The following MAP2K1 variants were observed in gnomAD, a reference collection of about 807,000 sequenced individuals.
MAP2K1 encodes dual specificity mitogen-activated protein kinase kinase 1.
Under a neutral mutation model 46.3 loss-of-function variants are expected in MAP2K1, and 16 were observed. The observed-to-expected ratio is 0.35, with a 90% CI of 0.23 to 0.52. MAP2K1 has a LOEUF of 0.52. Among genes scored for constraint, MAP2K1 ranks in the 20% least tolerant of loss-of-function variants. The probability of loss-of-function intolerance (pLI) is 0.94; values close to 1 mark genes in which losing one functional copy is unlikely to be tolerated. For missense variants in MAP2K1, 263 were observed against 497.1 expected, an observed-to-expected ratio of 0.53 and a Z score of 4.48; for synonymous variants, 183 against 185.6, an observed-to-expected ratio of 0.99 and a Z score of 0.11.
intron 6 of MAP2K1, 57 bp from the exon 7 acceptor site, chr15:66,484,933 G>C: frequency 7.1e-7 from 1 of 1,400,724 alleles, no homozygotes; most frequent in Non-Finnish European, 1.0e-6. Flanking sequence ...AAATGCATTA[G>C]CAGACCCAGG....
chr15:66,403,157 A>AT (rs977565206), intron 1 of MAP2K1, among the ~76,000 whole-genome samples: 1 of 152,130 alleles, frequency 6.6e-6, no homozygotes, highest in South Asian at 2.1e-4. Flanking sequence ...TTTTACTCTT[A>AT]TTTTTTTATG....
intron 2 of MAP2K1, 50 bp from the exon 3 acceptor site, chr15:66,436,696 T>C (rs2140582878): frequency 6.4e-7 from 1 of 1,560,776 alleles, no homozygotes; most frequent in South Asian, 1.1e-5. Flanking sequence ...CTTTCATCCC[T>C]TCCTCCCTCT....
At chr15:66,398,980 C>A (rs2093375063) in intron 1 of MAP2K1, among the ~76,000 whole-genome samples, 1 of 152,148 alleles carries the variant, frequency 6.6e-6, no homozygotes, top group Non-Finnish European at 1.5e-5. Context: ...ACCATGTTGG[C>A]CAGGCTGGTC....
intron 1 of MAP2K1, among the ~76,000 whole-genome samples, chr15:66,396,532 G>A (rs2093368039): frequency 6.6e-6 from 1 of 151,194 alleles, no homozygotes; most frequent in African/African-American, 2.4e-5. Flanking sequence ...AGCCCCACAA[G>A]GTGCTGGGAT....
intron 8 of MAP2K1, 50 bp from the exon 9 acceptor site, chr15:66,489,165 G>A (rs1490978928): frequency 6.8e-7 from 1 of 1,479,802 alleles, no homozygotes; most frequent in Admixed American, 1.7e-5. Flanking sequence ...GAGAGGAGAT[G>A]GCTGGAGCAA....
At position 66,460,215 on chromosome 15, in the gene MAP2K1, C is replaced by G. The variant is rs185893692; in HGVS notation, c.568+15508C>G. Among the ~76,000 whole-genome samples the G allele has an allele frequency of 6.6e-5, 10 of 152,302 alleles. 1 individual carries two copies. The highest frequency in any genetic ancestry group is 6.5e-4 in the Admixed American group (10 of 15,300). On this transcript the variant is annotated intron_variant, in intron 5 of 10. Coordinates refer to ENST00000307102, the MANE Select transcript of MAP2K1 (RefSeq NM_002755.4). The stretch of plus-strand genomic sequence containing the variant: ...CATTAGTAGTGGAAAATTCAGTATG[C>G]TGGTCTCTTGGTTAGAAATGTGAGT...
In MAP2K1 at chr15:66,387,313, C is replaced by T. The variant is rs895521497; in HGVS notation, c.-35C>T. 1.3e-5 allele frequency: 20 copies of T among 1,529,254 alleles called. No homozygotes were observed. Among genetic ancestry groups the T allele is most frequent in the Non-Finnish European group, 1.7e-5 (19 of 1,126,828 alleles). 94.7% of individuals were successfully genotyped at this position (1,529,254 alleles called of 1,614,324 possible). ...GGAGGAAGCGAGAGGTGCTGCCCTC[C>T]CCCCGGAGTTGGAAGCGCGTTACCC... On this transcript the variant is annotated 5_prime_UTR_variant, in exon 1 of 11. Coordinates refer to ENST00000307102, the MANE Select transcript of MAP2K1 (RefSeq NM_002755.4).
At chr15:66,479,184 C>T (rs376875114) in intron 5 of MAP2K1, among the ~76,000 whole-genome samples, 50 of 152,076 alleles carry the variant, frequency 3.3e-4, no homozygotes, top group African/African-American at 1.2e-3. Flanking sequence ...GCAACCTCTG[C>T]TTCCCGGGTT....
intron 5 of MAP2K1, among the ~76,000 whole-genome samples, chr15:66,457,019 T>C (rs568322924): frequency 1.3e-5 from 2 of 152,384 alleles, no homozygotes; most frequent in East Asian, 3.9e-4. Context: ...AACTGGTCCA[T>C]GGGCTAAATT....
intron 1 of MAP2K1, among the ~76,000 whole-genome samples, chr15:66,421,337 T>C (rs1203644852): frequency 6.6e-6 from 1 of 152,068 alleles, no homozygotes; most frequent in East Asian, 1.9e-4. Flanking sequence ...GGTTTTGCCA[T>C]GTTGCCCAGG....
chr15:66,416,119 G>C (rs2093424025), intron 1 of MAP2K1, among the ~76,000 whole-genome samples: 1 of 152,050 alleles, frequency 6.6e-6, no homozygotes, highest in Admixed American at 6.5e-5. Flanking sequence ...GATATTCTCA[G>C]GATTAAACTT....
intron 10 of MAP2K1, chr15:66,490,075 C>T: frequency 1.8e-6 from 1 of 542,458 alleles, no homozygotes; most frequent in Non-Finnish European, 3.3e-6. Flanking sequence ...CCTCATCTTA[C>T]ATTCAGCCTC....
intron 1 of MAP2K1, among the ~76,000 whole-genome samples, chr15:66,395,350 A>G (rs958044464): frequency 6.6e-6 from 1 of 152,188 alleles, no homozygotes; most frequent in African/African-American, 2.4e-5. Context: ...TGTCAAAGCA[A>G]AACTACATTT....
At chr15:66,465,623 T>A (rs11631448) in intron 5 of MAP2K1, among the ~76,000 whole-genome samples, 30,759 of 151,996 alleles carry the variant, frequency 0.2, 3,818 homozygotes, top group South Asian at 0.32. Flanking sequence ...CATAAGACAA[T>A]ATGAGGTGGT....
At chr15:66,417,534 C>A (rs2093427437) in intron 1 of MAP2K1, among the ~76,000 whole-genome samples, 1 of 152,098 alleles carries the variant, frequency 6.6e-6, no homozygotes, top group Non-Finnish European at 1.5e-5. Flanking sequence ...ATGATTGCAC[C>A]ACTACACCCC....
At chr15:66,410,862 G>A (rs1372486416) in intron 1 of MAP2K1, among the ~76,000 whole-genome samples, 1 of 152,158 alleles carries the variant, frequency 6.6e-6, no homozygotes, top group South Asian at 2.1e-4. Context: ...GTACATATTT[G>A]TTCTGCTTTA....
chr15:66,402,220 A>C (rs6494571), intron 1 of MAP2K1, among the ~76,000 whole-genome samples: 137,403 of 152,232 alleles, frequency 0.9, 63,661 homozygotes, highest in East Asian at 1. Flanking sequence ...TGTCATCTCT[A>C]CACAACTAGC....
intron 5 of MAP2K1, among the ~76,000 whole-genome samples, chr15:66,449,568 A>C (rs1439307133): frequency 6.6e-6 from 1 of 152,216 alleles, no homozygotes; most frequent in Non-Finnish European, 1.5e-5. Context: ...TTGAAAATGC[A>C]TGAAAGTATA....
At position 66,421,917 on chromosome 15, in the gene MAP2K1, C is replaced by A. The variant is rs201316836; in HGVS notation, c.81-13110C>A. On this transcript the variant is annotated intron_variant, in intron 1 of 10. Transcript: ENST00000307102. ...TTTTTGCTATCTCATTATTTTATAT[C>A]ATTCTAGACCAGTTTGAGCCTCATA... 9.7e-5 allele frequency among the ~76,000 whole-genome samples: 14 copies of A among 143,918 alleles called. No individual in the cohort carries two copies. In the East Asian group the frequency reaches 2.4e-3, roughly 25 times the overall value. The allele number at this position is 143,918 out of a possible 152,430, so 94.4% of individuals were successfully genotyped here.
Sources: allele counts gnomAD v4.1 joint callset (sites outside exome capture counted in the v4.1 genomes callset), GRCh38; gene constraint gnomAD v4.1.1; transcripts MANE v1.5; gene names NCBI Gene and HGNC (gene_info 2026-07-23, HGNC 2026-07-21).